Variants in NECAB1 observed in about 807,000 individuals in gnomAD.
The protein encoded by NECAB1 is N-terminal EF-hand calcium-binding protein 1.
NECAB1 carries 29 observed loss-of-function variants against 57.5 expected under a neutral mutation model. The ratio of observed to expected loss-of-function variants is 0.50; its 90% CI spans 0.38 to 0.69. The LOEUF (loss-of-function observed/expected upper bound fraction) is 0.69, where lower values mean the gene tolerates loss of function less well. Among genes scored for constraint, NECAB1 ranks in the 30% least tolerant of loss-of-function variants. The pLI, the probability that NECAB1 is intolerant of heterozygous loss-of-function variation, is 0.00. For synonymous variants in NECAB1, 142 were observed against 147.7 expected (o/e 0.96, Z 0.28); for missense variants, 372 against 413.8 (o/e 0.90, Z 0.88).
chr8:90,864,308 G>C (rs1282750256), intron 3 of NECAB1, among the ~76,000 whole-genome samples: 2 of 118,428 alleles, frequency 1.7e-5, no homozygotes, highest in Non-Finnish European at 3.2e-5. Context: ...AGGGAGGAAG[G>C]AAGCAAAGGT....
intron 5 of NECAB1, among the ~76,000 whole-genome samples, chr8:90,901,090 A>G (rs534085414): frequency 6.6e-6 from 1 of 152,340 alleles, no homozygotes; most frequent in South Asian, 2.1e-4. Context: ...CTCAAATATA[A>G]AAGATGAATA....
intron 8 of NECAB1, among the ~76,000 whole-genome samples, chr8:90,928,503 C>T (rs541244916): frequency 7.9e-4 from 121 of 152,238 alleles, no homozygotes; most frequent in African/African-American, 2.9e-3. Context: ...CTCCCCCTAC[C>T]TCCCACTCCC....
chr8:90,897,183 A>G (rs921985759), intron 5 of NECAB1, among the ~76,000 whole-genome samples: 15 of 152,232 alleles, frequency 9.9e-5, no homozygotes, highest in African/African-American at 3.4e-4. Flanking sequence ...GGTTCCCACA[A>G]TCCTTAAGAG....
At chr8:90,934,815 A>G (rs1056313358) in intron 9 of NECAB1, among the ~76,000 whole-genome samples, 2 of 152,178 alleles carry the variant, frequency 1.3e-5, no homozygotes, top group Admixed American at 6.5e-5. Flanking sequence ...AATTGATGCA[A>G]AAGGGAACAT....
At chr8:90,888,095 T>A (rs949227878) in intron 5 of NECAB1, among the ~76,000 whole-genome samples, 2 of 152,188 alleles carry the variant, frequency 1.3e-5, no homozygotes, top group Admixed American at 1.3e-4. Context: ...TGATAAATTA[T>A]TTTTATTTTG....
chr8:90,867,502 A>G (rs752340633), intron 3 of NECAB1, among the ~76,000 whole-genome samples: 17 of 152,198 alleles, frequency 1.1e-4, no homozygotes, highest in Non-Finnish European at 7.3e-5. Context: ...TACATTTTCA[A>G]GTTTTGTTGG....
intron 2 of NECAB1, among the ~76,000 whole-genome samples, chr8:90,808,640 C>CTTTTTTTTTTTTTTTTTTTTTT (rs200075536): frequency 1.2e-5 from 1 of 81,276 alleles, no homozygotes. Context: ...TTTTTCTTTT[C>CTTTTTTTTTTTTTTTTTTTTTT]TTTTTTTTTT....
chr8:90,934,560 ATG>A (rs1810486747), intron 9 of NECAB1, among the ~76,000 whole-genome samples: 1 of 152,172 alleles, frequency 6.6e-6, no homozygotes, highest in Non-Finnish European at 1.5e-5. Flanking sequence ...AGTACCTGGC[ATG>A]TAATAGGTGC....
At chr8:90,823,985 G>A (rs560381586) in intron 2 of NECAB1, among the ~76,000 whole-genome samples, 1 of 151,854 alleles carries the variant, frequency 6.6e-6, no homozygotes, top group African/African-American at 2.4e-5. Context: ...GTTGTCCAAA[G>A]TCAGGGGTGA....
At chr8:90,943,024 G>A (rs1408167494) in intron 10 of NECAB1, among the ~76,000 whole-genome samples, 1 of 151,052 alleles carries the variant, frequency 6.6e-6, no homozygotes, top group Non-Finnish European at 1.5e-5. Context: ...TCCAGGGATT[G>A]AGTGCATGTT....
chr8:90,826,895 C>CTA (rs1167159803), intron 3 of NECAB1, among the ~76,000 whole-genome samples: 10 of 151,990 alleles, frequency 6.6e-5, no homozygotes, highest in Admixed American at 6.6e-4. Flanking sequence ...ATAATTATTA[C>CTA]TACCAGTTTC....
intron 10 of NECAB1, among the ~76,000 whole-genome samples, chr8:90,949,522 C>A (rs1012925872): frequency 6.6e-6 from 1 of 152,090 alleles, no homozygotes; most frequent in Admixed American, 6.6e-5. Context: ...CACAATTTTG[C>A]AAAAGTTACA....
At chr8:90,822,438 A>T (rs1210597317) in intron 2 of NECAB1, among the ~76,000 whole-genome samples, 2 of 151,974 alleles carry the variant, frequency 1.3e-5, no homozygotes, top group African/African-American at 4.8e-5. Context: ...GGAATACTGC[A>T]TGTGGTCACA....
At chr8:90,925,692 T>A in intron 7 of NECAB1, 36 bp downstream of exon 7, 1 of 1,610,340 alleles carries the variant, frequency 6.2e-7, no homozygotes, top group Non-Finnish European at 8.5e-7. Context: ...TTTGTCAAAG[T>A]CTATTTATCT....
intron 8 of NECAB1, among the ~76,000 whole-genome samples, chr8:90,928,615 G>T (rs1563538484): frequency 6.6e-6 from 1 of 152,304 alleles, no homozygotes; most frequent in East Asian, 1.9e-4. Context: ...GTGCTTGAAT[G>T]ATGCTAATGA....
At chr8:90,954,831 C>A (rs1175241885) in intron 12 of NECAB1, among the ~76,000 whole-genome samples, 1 of 147,404 alleles carries the variant, frequency 6.8e-6, no homozygotes, top group Non-Finnish European at 1.5e-5. Context: ...ATATATTATA[C>A]ATAAGCTGCA....
Position 90,791,809 on chromosome 8 carries a change from C to A in NECAB1, c.-78C>A. ...CCAGAGCCCGGCGGCGGCGAAGCAG[C>A]AGCTGCGGCCGCGCCCTTGCCAGAG... On this transcript the variant is annotated 5_prime_UTR_variant, in exon 1 of 13. Coordinates refer to ENST00000417640, the MANE Select transcript of NECAB1 (RefSeq NM_022351.5). 1.7e-6 allele frequency: 2 copies of A among 1,193,930 alleles called. No homozygotes were observed. The highest frequency in any genetic ancestry group is 2.1e-5 in the Admixed American group (1 of 48,508). The allele number at this position is 1,193,930 out of a possible 1,614,324, so 74.0% of individuals were successfully genotyped here.
At chr8:90,792,070 C>A in intron 1 of NECAB1, 85 bp downstream of exon 1, 1 of 1,046,026 alleles carries the variant, frequency 9.6e-7, no homozygotes, top group Non-Finnish European at 1.4e-6. Flanking sequence ...CAGGTGCTGA[C>A]CAGCCAATGC....
In NECAB1 at chr8:90,858,624, G is replaced by GA. The variant is rs546425109; in HGVS notation, c.234-13492dup. On this transcript the variant is annotated intron_variant, in intron 3 of 12. Coordinates refer to ENST00000417640, the MANE Select transcript of NECAB1 (RefSeq NM_022351.5). ...AAGAAAAAAAAATTCACAATTTGAAGAAAAAAAAAAAACAGCAAATGTAAT... is the reference window on the plus strand; with the variant it reads ...AAGAAAAAAAAATTCACAATTTGAAGAAAAAAAAAAAAACAGCAAATGTAAT... Among the ~76,000 whole-genome samples the GA allele has an allele frequency of 1.8e-3, 249 of 137,118 alleles. 1 individual carries two copies. In the South Asian group the frequency reaches 0.023, roughly 13 times the overall value. The allele number at this position is 137,118 out of a possible 152,430, so 90.0% of individuals were successfully genotyped here.
Sources: gnomAD v4.1 joint callset for allele counts (sites outside exome capture counted in the v4.1 genomes callset) on GRCh38, gnomAD v4.1.1 for gene constraint, MANE v1.5 for transcripts, NCBI Gene and HGNC (gene_info 2026-07-23, HGNC 2026-07-21) for gene names.